The following RGS12 variants were observed in gnomAD, a reference collection of about 807,000 sequenced individuals.
RGS12 encodes the protein regulator of G-protein signaling 12.
Under a neutral mutation model 120.1 loss-of-function variants are expected in RGS12, and 66 were observed. The observed-to-expected ratio is 0.55, with a 90% CI of 0.45 to 0.67. The LOEUF (loss-of-function observed/expected upper bound fraction) is 0.67. RGS12 is among the 30% of genes least tolerant of loss of function. The pLI is 0.00. For missense variants in RGS12, 1,859 were observed against 1,957.7 expected (o/e 0.95, Z 0.95); for synonymous variants, 827 against 804.7 (o/e 1.03, Z -0.47).
intron 1 of RGS12, chr4:3,314,490 C>T (rs751135067): frequency 3.9e-5 from 6 of 152,318 alleles, no homozygotes; most frequent in Non-Finnish European, 5.9e-5. Flanking sequence ...GCAAGCTCCA[C>T]CTCCCGAGTT....
intron 4 of RGS12, among the ~76,000 whole-genome samples, chr4:3,402,137 ATTGT>A (rs2109038894): frequency 6.6e-6 from 1 of 152,356 alleles, no homozygotes; most frequent in East Asian, 1.9e-4. Context: ...TTTAAGTTTG[ATTGT>A]TTGATATCAG....
intron 13 of RGS12, among the ~76,000 whole-genome samples, chr4:3,424,534 T>G (rs906131274): frequency 6.6e-6 from 1 of 152,182 alleles, no homozygotes; most frequent in Non-Finnish European, 1.5e-5. Context: ...GCGCAATTGT[T>G]TAGCCCCTGT....
intron 3 of RGS12, among the ~76,000 whole-genome samples, chr4:3,376,246 G>GAA (rs1491527507): frequency 3.8e-4 from 40 of 104,694 alleles, no homozygotes; most frequent in Admixed American, 7.1e-4. Context: ...AAGCTCCTTG[G>GAA]AACACACACA....
At chr4:3,406,452 A>C (rs1721134982) in intron 4 of RGS12, among the ~76,000 whole-genome samples, 1 of 152,196 alleles carries the variant, frequency 6.6e-6, no homozygotes, top group South Asian at 2.1e-4. Flanking sequence ...GGCAGTGTCC[A>C]TCCGGGAGTC....
intron 1 of RGS12, among the ~76,000 whole-genome samples, chr4:3,301,684 G>C (rs1013656512): frequency 6.6e-6 from 1 of 151,928 alleles, no homozygotes; most frequent in Non-Finnish European, 1.5e-5. Context: ...GTGAGGCCGG[G>C]GTCTGGGCTG....
intron 4 of RGS12, among the ~76,000 whole-genome samples, chr4:3,404,910 T>A (rs1252857698): frequency 2.0e-5 from 3 of 152,180 alleles, no homozygotes; most frequent in Non-Finnish European, 4.4e-5. Flanking sequence ...TCGCTTTTAT[T>A]TTTTTTCACA....
chr4:3,310,226 G>A (rs59593517), intron 1 of RGS12, among the ~76,000 whole-genome samples: 31 of 26,354 alleles, frequency 1.2e-3, no homozygotes, highest in African/African-American at 3.7e-3. Flanking sequence ...GGAACCGTGT[G>A]GGGGAGGAGC....
chr4:3,335,258 T>C (rs1712313328), intron 2 of RGS12, among the ~76,000 whole-genome samples: 1 of 152,226 alleles, frequency 6.6e-6, no homozygotes, highest in Non-Finnish European at 1.5e-5. Flanking sequence ...CAGAAACCTT[T>C]CTTTGGTTCC....
At chr4:3,309,024 CTGGGAATGG>C (rs1724134871) in intron 1 of RGS12, among the ~76,000 whole-genome samples, 4 of 151,710 alleles carry the variant, frequency 2.6e-5, no homozygotes, top group South Asian at 4.2e-4. Flanking sequence ...GAGCTGGGAC[CTGGGAATGG>C]CAGGTGTCCT....
chr4:3,298,138 T>C (rs764828504), intron 1 of RGS12, among the ~76,000 whole-genome samples: 28 of 152,294 alleles, frequency 1.8e-4, no homozygotes, highest in Middle Eastern at 3.4e-3. Flanking sequence ...CCCTCAGTGT[T>C]CTGAGAAGCC....
intron 3 of RGS12, among the ~76,000 whole-genome samples, chr4:3,352,397 T>C (rs899313225): frequency 6.6e-6 from 1 of 152,094 alleles, no homozygotes; most frequent in Non-Finnish European, 1.5e-5. Flanking sequence ...GTTCTAAGAA[T>C]TGATGATTCT....
intron 3 of RGS12, among the ~76,000 whole-genome samples, chr4:3,375,720 T>C (rs1253413712): frequency 1.5e-5 from 2 of 131,294 alleles, no homozygotes; most frequent in Admixed American, 7.6e-5. Flanking sequence ...TCCAGCCTCA[T>C]CTCCAGCCCT....
intron 2 of RGS12, among the ~76,000 whole-genome samples, chr4:3,322,117 T>C (rs1725241704): frequency 6.6e-6 from 1 of 152,228 alleles, no homozygotes; most frequent in Non-Finnish European, 1.5e-5. Flanking sequence ...CACTTGCTCC[T>C]GTGAAAGCCT....
At chr4:3,424,537 G>T (rs1040209096) in intron 13 of RGS12, among the ~76,000 whole-genome samples, 1 of 152,194 alleles carries the variant, frequency 6.6e-6, no homozygotes, top group Non-Finnish European at 1.5e-5. Flanking sequence ...CAATTGTTTA[G>T]CCCCTGTGTG....
intron 16 of RGS12, among the ~76,000 whole-genome samples, chr4:3,429,473 G>A (rs1218653910): frequency 2.0e-5 from 3 of 152,168 alleles, no homozygotes; most frequent in Non-Finnish European, 2.9e-5. Flanking sequence ...TGGCCACCGA[G>A]CACAAGTAAA....
chr4:3,333,865 A>G (rs1429289735), intron 2 of RGS12, among the ~76,000 whole-genome samples: 1 of 152,208 alleles, frequency 6.6e-6, no homozygotes, highest in Admixed American at 6.5e-5. Flanking sequence ...TCTGTAGCTC[A>G]GTTTGAGGGA....
intron 1 of RGS12, 138 bp from the exon 2 acceptor site, chr4:3,315,932 T>G: frequency 2.5e-6 from 1 of 406,514 alleles, no homozygotes; most frequent in Non-Finnish European, 4.3e-6. Context: ...GACTTGAAGA[T>G]TTATTATCTA....
chr4:3,289,940 C>T (rs1273170984), upstream of RGS12, among the ~76,000 whole-genome samples: 1 of 152,204 alleles, frequency 6.6e-6, no homozygotes, highest in Non-Finnish European at 1.5e-5. Flanking sequence ...GCTTATTTCA[C>T]TGTTATAATG....
intron 3 of RGS12, among the ~76,000 whole-genome samples, chr4:3,382,704 G>GTT: frequency 6.6e-6 from 1 of 151,626 alleles, no homozygotes; most frequent in East Asian, 2.0e-4. Context: ...CAGTGTAATT[G>GTT]TTTTCAGTTC....
Sources: gnomAD v4.1 joint callset for allele counts (sites outside exome capture counted in the v4.1 genomes callset) on GRCh38, gnomAD v4.1.1 for gene constraint, MANE v1.5 for transcripts, NCBI Gene and HGNC (gene_info 2026-07-23, HGNC 2026-07-21) for gene names.